Variants in PCSK6 observed in about 807,000 individuals in gnomAD.
PCSK6 encodes the protein paired basic amino acid cleaving enzyme 4.
In PCSK6, 85 loss-of-function variants were observed where a neutral mutation model predicts 123.3. The observed-to-expected ratio is 0.69, with a 90% CI of 0.58 to 0.83. The LOEUF (loss-of-function observed/expected upper bound fraction) is 0.83, where lower values mean the gene tolerates loss of function less well. Ranked by LOEUF, PCSK6 falls within the 40% of genes least tolerant of loss-of-function variation. The probability of loss-of-function intolerance (pLI) is 0.00; values close to 1 mark genes in which losing one functional copy is unlikely to be tolerated. For synonymous variants in PCSK6, 508 were observed against 516.0 expected (o/e 0.98, Z 0.21); for missense variants, 1,191 against 1,282.3 (o/e 0.93, Z 1.09).
At chr15:101,488,717 G>A (rs1471379329) in intron 1 of PCSK6, among the ~76,000 whole-genome samples, 1 of 152,054 alleles carries the variant, frequency 6.6e-6, no homozygotes, top group Non-Finnish European at 1.5e-5. Flanking sequence ...TCCTGGAGAG[G>A]TTTTAAACCC....
chr15:101,361,068 G>T (rs1077015), intron 13 of PCSK6, among the ~76,000 whole-genome samples: 41,334 of 152,018 alleles, frequency 0.27, 5,925 homozygotes, highest in Admixed American at 0.37. Context: ...TCTTGGAGGG[G>T]AGTATTCTTT....
At chr15:101,391,756 A>T (rs1311883441) in intron 8 of PCSK6, among the ~76,000 whole-genome samples, 1 of 151,750 alleles carries the variant, frequency 6.6e-6, no homozygotes, top group African/African-American at 2.4e-5. Flanking sequence ...AGGACGTCTA[A>T]GAGGACTCAG....
chr15:101,389,583 C>T lies in PCSK6; in HGVS notation c.1210-19G>A. On this transcript the variant is annotated intron_variant, in intron 8 of 21. Coordinates refer to ENST00000611716, the MANE Select transcript of PCSK6 (RefSeq NM_002570.5). ...TGGTGACCTGGGGGAGAGAGAAGCA[C>T]AGTGAGGCAGTGATGGCAGACAGGC... is the stretch of plus-strand genomic sequence containing the variant. 1 of 1,579,860 alleles carries T rather than the reference C, an allele frequency of 6.3e-7. No homozygotes were observed. Among genetic ancestry groups the T allele is most frequent in the Non-Finnish European group, 8.7e-7 (1 of 1,153,286 alleles).
intron 8 of PCSK6, among the ~76,000 whole-genome samples, chr15:101,391,044 G>T (rs2042220136): frequency 6.6e-6 from 1 of 152,172 alleles, no homozygotes; most frequent in Admixed American, 6.5e-5. Flanking sequence ...CAACTGTCTA[G>T]GGAAGGTGGG....
chr15:101,374,560 T>C (rs554802522), intron 11 of PCSK6, among the ~76,000 whole-genome samples: 1 of 152,264 alleles, frequency 6.6e-6, no homozygotes, highest in Admixed American at 6.5e-5. Context: ...TCTAGGGCCA[T>C]GTTGAGAGAC....
intron 7 of PCSK6, among the ~76,000 whole-genome samples, chr15:101,396,166 T>A (rs948172322): frequency 6.6e-6 from 1 of 152,110 alleles, no homozygotes; most frequent in African/African-American, 2.4e-5. Context: ...AAAAATCAAA[T>A]GACCTCAGTA....
At chr15:101,485,160 T>C (rs2057990399) in intron 1 of PCSK6, among the ~76,000 whole-genome samples, 1 of 152,240 alleles carries the variant, frequency 6.6e-6, no homozygotes, top group Admixed American at 6.5e-5. Context: ...GTTGCCTAAA[T>C]TGCAGTGCTC....
chr15:101,424,555 A>G (rs1399910594), intron 6 of PCSK6, among the ~76,000 whole-genome samples: 1 of 152,228 alleles, frequency 6.6e-6, no homozygotes, highest in Non-Finnish European at 1.5e-5. Context: ...GACAGGCTGA[A>G]GATAAATGGA....
chr15:101,485,650 C>T lies in PCSK6; in HGVS notation c.297+3724G>A, dbSNP rs117943923. On this transcript the variant is annotated intron_variant, in intron 1 of 21. Transcript: ENST00000611716. Reference sequence around the variant, plus strand: ...CATTTAGTAAATAGCCCATCCTTCCCCATCTATTTGTAACTCTTCAGCTCA... The same window carrying T: ...CATTTAGTAAATAGCCCATCCTTCCTCATCTATTTGTAACTCTTCAGCTCA... Among the ~76,000 whole-genome samples, 599 of 152,248 alleles carry T rather than the reference C, an allele frequency of 3.9e-3. 7 individuals are homozygous for T. The highest frequency in any genetic ancestry group is 0.021 in the East Asian group (107 of 5,182).
At chr15:101,378,762 A>T (rs2041824339) in intron 11 of PCSK6, among the ~76,000 whole-genome samples, 1 of 152,150 alleles carries the variant, frequency 6.6e-6, no homozygotes, top group South Asian at 2.1e-4. Flanking sequence ...GACAGGCTCA[A>T]ACCCCCCAGT....
intron 1 of PCSK6, among the ~76,000 whole-genome samples, chr15:101,478,108 A>G (rs2057777549): frequency 6.6e-6 from 1 of 152,072 alleles, no homozygotes; most frequent in Non-Finnish European, 1.5e-5. Context: ...AGCCTTTCCT[A>G]ATAGACACAG....
At chr15:101,459,928 C>T (rs912587392) in intron 1 of PCSK6, among the ~76,000 whole-genome samples, 2 of 152,144 alleles carry the variant, frequency 1.3e-5, no homozygotes, top group African/African-American at 4.8e-5. Flanking sequence ...TGAGTTCAGG[C>T]GTTACATCAT....
At chr15:101,409,400 A>T (rs2042874505) in intron 6 of PCSK6, among the ~76,000 whole-genome samples, 1 of 152,106 alleles carries the variant, frequency 6.6e-6, no homozygotes, top group Non-Finnish European at 1.5e-5. Context: ...CCTGGCTAAC[A>T]CAGTGAAACC....
intron 6 of PCSK6, among the ~76,000 whole-genome samples, chr15:101,423,628 TA>T (rs1377112103): frequency 4.6e-5 from 7 of 151,944 alleles, no homozygotes; most frequent in Non-Finnish European, 7.4e-5. Flanking sequence ...TGAAGTTCAA[TA>T]AAAATCATTC....
intron 1 of PCSK6, among the ~76,000 whole-genome samples, chr15:101,448,674 C>T (rs1039343893): frequency 1.3e-5 from 2 of 152,192 alleles, no homozygotes; most frequent in South Asian, 4.1e-4. Context: ...AACTGAGGCA[C>T]AGAGCAGTGA....
chr15:101,306,563 G>A (rs926687611), intron 21 of PCSK6, among the ~76,000 whole-genome samples: 4 of 152,160 alleles, frequency 2.6e-5, no homozygotes, highest in South Asian at 2.1e-4. Flanking sequence ...TTCCCTGCCC[G>A]TGTGTCTACA....
intron 15 of PCSK6, 147 bp downstream of exon 15, chr15:101,331,504 G>A: frequency 1.4e-6 from 1 of 714,342 alleles, no homozygotes; most frequent in Non-Finnish European, 2.5e-6. Context: ...AGGAGGCTGA[G>A]CTGTGAGATG....
intron 9 of PCSK6, among the ~76,000 whole-genome samples, chr15:101,386,490 C>T (rs1332477679): frequency 6.6e-6 from 1 of 152,238 alleles, no homozygotes; most frequent in East Asian, 1.9e-4. Flanking sequence ...GACTGAAACT[C>T]TGTCCCACGG....
intron 13 of PCSK6, among the ~76,000 whole-genome samples, chr15:101,351,427 G>C (rs987851858): frequency 2.6e-5 from 4 of 152,166 alleles, no homozygotes; most frequent in Middle Eastern, 3.2e-3. Context: ...ATGAAGTTCT[G>C]ACATATGTCT....
Sources: gnomAD v4.1 joint callset for allele counts (sites outside exome capture counted in the v4.1 genomes callset) on GRCh38, gnomAD v4.1.1 for gene constraint, MANE v1.5 for transcripts, NCBI Gene and HGNC (gene_info 2026-07-23, HGNC 2026-07-21) for gene names.